RBFOX1: variants seen among roughly 807,000 people sequenced by gnomAD.
RBFOX1 encodes RNA binding protein fox-1 homolog 1.
Under a neutral mutation model 57.7 loss-of-function variants are expected in RBFOX1, and 8 were observed. That is an observed-to-expected ratio of 0.14 (90% confidence interval 0.08 to 0.25). The LOEUF (loss-of-function observed/expected upper bound fraction) is 0.25. RBFOX1 is among the 10% of genes least tolerant of loss of function. The pLI is 1.00. For synonymous variants in RBFOX1, 326 were observed against 222.4 expected (o/e 1.47, Z -4.15); for missense variants, 611 against 548.5 (o/e 1.11, Z -1.14).
intron 4 of RBFOX1, among the ~76,000 whole-genome samples, chr16:7,509,633 T>C (rs144117660): frequency 2.0e-5 from 3 of 152,192 alleles, no homozygotes; most frequent in South Asian, 2.1e-4. Flanking sequence ...TCATCAGTTA[T>C]GGTATTTTTA....
intron 3 of RBFOX1, among the ~76,000 whole-genome samples, chr16:6,767,965 G>T (rs374997655): frequency 1.3e-3 from 165 of 127,764 alleles, no homozygotes; most frequent in African/African-American, 2.5e-3. Flanking sequence ...AGAAGAAGAA[G>T]AAGAAGAAGA....
intron 2 of RBFOX1, among the ~76,000 whole-genome samples, chr16:6,544,429 C>T (rs1213421147): frequency 6.6e-6 from 1 of 152,188 alleles, no homozygotes; most frequent in African/African-American, 2.4e-5. Flanking sequence ...CTTCACTGGT[C>T]CAGCTTAGTT....
chr16:6,262,620 A>C (rs149217701), intron 1 of RBFOX1, among the ~76,000 whole-genome samples: 1 of 152,172 alleles, frequency 6.6e-6, no homozygotes, highest in African/African-American at 2.4e-5. Flanking sequence ...TTATTTTCCC[A>C]CTTTCATTCG....
chr16:7,525,749 T>A (rs2152312252), intron 5 of RBFOX1, among the ~76,000 whole-genome samples: 1 of 152,350 alleles, frequency 6.6e-6, no homozygotes, highest in Admixed American at 6.5e-5. Flanking sequence ...AAGATCATGC[T>A]AGGCCCTCTT....
chr16:5,843,040 G>A lies in RBFOX1; in HGVS notation c.319-24263G>A, dbSNP rs555494126. Among the ~76,000 whole-genome samples the A allele has an allele frequency of 2.1e-4, 32 of 152,158 alleles. No homozygotes were observed. The South Asian group carries it at 3.1e-3, about 15-fold the overall frequency. On this transcript the variant is annotated intron_variant, in intron 3 of 19. Coordinates refer to the RBFOX1 transcript ENST00000641259. ...GACGGGGTTTCACCATGTTGGCCAG[G>A]CTGGTCTCGAACTCCTGACCTCGTG...
chr16:5,454,767 CTCTT>C lies in RBFOX1; in HGVS notation c.220-12429_220-12426del, dbSNP rs377472982. 7.6e-3 allele frequency among the ~76,000 whole-genome samples: 275 copies of C among 36,320 alleles called. 4 individuals are homozygous for C. The highest frequency in any genetic ancestry group is 0.042 in the East Asian group (58 of 1,392). The allele number at this position is 36,320 out of a possible 152,430, so 23.8% of individuals were successfully genotyped here. On this transcript the variant is annotated intron_variant, in intron 1 of 2. Coordinates refer to the RBFOX1 transcript ENST00000585867. ...TCTTTTTCTTTTCTTTTCTTTCTTTCTCTTTCTTTCTTTCTTTCTTTCTCTTTCT... is the reference window on the plus strand; with the variant it reads ...TCTTTTTCTTTTCTTTTCTTTCTTTCTCTTTCTTTCTTTCTTTCTCTTTCT...
At chr16:5,854,598 A>T (rs1325034240) in intron 3 of RBFOX1, among the ~76,000 whole-genome samples, 1 of 151,742 alleles carries the variant, frequency 6.6e-6, no homozygotes, top group Non-Finnish European at 1.5e-5. Context: ...ACACACACAC[A>T]CACACACACA....
At chr16:6,950,474 G>A (rs1012452660) in intron 3 of RBFOX1, among the ~76,000 whole-genome samples, 2 of 152,150 alleles carry the variant, frequency 1.3e-5, no homozygotes, top group African/African-American at 4.8e-5. Flanking sequence ...GTAGATGTTT[G>A]ATAAATGTTT....
chr16:6,360,838 C>G (rs1484382677), intron 2 of RBFOX1, among the ~76,000 whole-genome samples: 5 of 152,144 alleles, frequency 3.3e-5, no homozygotes, highest in African/African-American at 7.2e-5. Context: ...TGAATGGCGC[C>G]CCCTACAGTT....
intron 4 of RBFOX1, among the ~76,000 whole-genome samples, chr16:7,211,995 C>G (rs754744497): frequency 6.6e-6 from 1 of 152,154 alleles, no homozygotes; most frequent in Non-Finnish European, 1.5e-5. Flanking sequence ...TCAAGCCACC[C>G]CAAATAACCT....
intron 2 of RBFOX1, chr16:6,483,702 C>T (rs761069129): frequency 7.1e-7 from 1 of 1,406,586 alleles, no homozygotes; most frequent in East Asian, 2.7e-5. Context: ...GGGCGGGCGA[C>T]AGGGGGAGGA....
chr16:5,484,101 G>C (rs2069643295), intron 2 of RBFOX1, among the ~76,000 whole-genome samples: 1 of 152,226 alleles, frequency 6.6e-6, no homozygotes, highest in Non-Finnish European at 1.5e-5. Context: ...CACCAAAGAG[G>C]TTGAGGCCGC....
Position 7,376,378 on chromosome 16 carries a change from G to A in RBFOX1, c.28-141769G>A, listed in dbSNP as rs573553474. Among the ~76,000 whole-genome samples the A allele has an allele frequency of 1.1e-4, 17 of 152,176 alleles. No homozygotes were observed. In the South Asian group the frequency reaches 2.9e-3, roughly 26 times the overall value. Reference sequence around the variant, plus strand: ...CTAATGTATGACTCAACGCAGCATCGCCTTTGAGGTGATCCAGGACTTTCA... The same window carrying A: ...CTAATGTATGACTCAACGCAGCATCACCTTTGAGGTGATCCAGGACTTTCA... On this transcript the variant is annotated intron_variant, in intron 4 of 15. Transcript: ENST00000550418.
chr16:7,363,109 T>A (rs1379736246), intron 4 of RBFOX1, among the ~76,000 whole-genome samples: 1 of 152,176 alleles, frequency 6.6e-6, no homozygotes, highest in Non-Finnish European at 1.5e-5. Context: ...TGGATACTGC[T>A]GCTCTTACGC....
chr16:6,175,231 G>A (rs998743257), intron 1 of RBFOX1, among the ~76,000 whole-genome samples: 2 of 152,122 alleles, frequency 1.3e-5, no homozygotes, highest in African/African-American at 4.8e-5. Flanking sequence ...GTAGCCATGA[G>A]GGAAAGAAAA....
At chr16:7,458,619 T>C (rs2058984185) in intron 4 of RBFOX1, among the ~76,000 whole-genome samples, 1 of 152,186 alleles carries the variant, frequency 6.6e-6, no homozygotes, top group East Asian at 1.9e-4. Context: ...TTGAATATCA[T>C]AGGAATATAT....
At chr16:5,884,461 A>T (rs892182343) in intron 4 of RBFOX1, among the ~76,000 whole-genome samples, 5 of 30,014 alleles carry the variant, frequency 1.7e-4, no homozygotes, top group African/African-American at 4.7e-4. Context: ...CCCGCTCCCC[A>T]CCACCCCCCT....
intron 1 of RBFOX1, among the ~76,000 whole-genome samples, chr16:6,225,572 G>A (rs971217140): frequency 6.6e-6 from 1 of 152,156 alleles, no homozygotes; most frequent in African/African-American, 2.4e-5. Flanking sequence ...TTTTGCAAAT[G>A]AGGATAGTGA....
chr16:7,361,084 T>G (rs2097311177), intron 4 of RBFOX1, among the ~76,000 whole-genome samples: 1 of 152,196 alleles, frequency 6.6e-6, no homozygotes, highest in Non-Finnish European at 1.5e-5. Flanking sequence ...TGGGGGTTTC[T>G]TGGCCATTGT....
Sources: allele counts gnomAD v4.1 joint callset (sites outside exome capture counted in the v4.1 genomes callset), GRCh38; gene constraint gnomAD v4.1.1; transcripts MANE v1.5; gene names NCBI Gene and HGNC (gene_info 2026-07-23, HGNC 2026-07-21).